Variants in PRKCH observed in about 807,000 individuals in gnomAD.
PRKCH encodes the protein protein kinase C eta, also known as protein kinase C eta type.
PRKCH carries 28 observed loss-of-function variants against 82.5 expected under a neutral mutation model. That is an observed-to-expected ratio of 0.34 (90% CI 0.25 to 0.47). The LOEUF (loss-of-function observed/expected upper bound fraction) is 0.47. PRKCH is among the 20% of genes least tolerant of loss of function. The pLI, the probability that PRKCH is intolerant of heterozygous loss-of-function variation, is 1.00. For missense variants in PRKCH, 705 were observed against 881.8 expected (o/e 0.80, Z 2.54); for synonymous variants, 322 against 327.4 (o/e 0.98, Z 0.18).
chr14:61,217,317 C>T (rs113899582), intron 1 of PRKCH, among the ~76,000 whole-genome samples: 20 of 152,112 alleles, frequency 1.3e-4, no homozygotes, highest in African/African-American at 3.9e-4. Context: ...CAGTTGGGCC[C>T]GGGAGGTTGA....
chr14:61,435,449 G>A (rs1184758681), intron 2 of PRKCH, among the ~76,000 whole-genome samples: 2 of 151,978 alleles, frequency 1.3e-5, no homozygotes, highest in East Asian at 1.9e-4. Flanking sequence ...GGAGGAGGCC[G>A]AGAAGAGGGT....
chr14:61,441,117 T>TC (rs1480468976), intron 2 of PRKCH, among the ~76,000 whole-genome samples: 1 of 151,804 alleles, frequency 6.6e-6, no homozygotes, highest in Non-Finnish European at 1.5e-5. Context: ...CAGACTGGTC[T>TC]CCAATTCCTA....
chr14:61,247,755 A>AAAAAAAG (rs1555371277), intron 1 of PRKCH, among the ~76,000 whole-genome samples: 1 of 149,456 alleles, frequency 6.7e-6, no homozygotes, highest in Admixed American at 6.7e-5. Flanking sequence ...AAAAAAAAAA[A>AAAAAAAG]AAAGAAAGAA....
chr14:61,449,530 T>C (rs1352054483), intron 5 of PRKCH, among the ~76,000 whole-genome samples: 1 of 152,184 alleles, frequency 6.6e-6, no homozygotes, highest in Non-Finnish European at 1.5e-5. Context: ...CATTAGTGGT[T>C]GGCTGGGTAT....
At chr14:61,331,139 A>G (rs2045780994) in intron 1 of PRKCH, among the ~76,000 whole-genome samples, 2 of 151,854 alleles carry the variant, frequency 1.3e-5, no homozygotes. Context: ...TCTAATCTAT[A>G]TCTACAAAAA....
intron 9 of PRKCH, among the ~76,000 whole-genome samples, chr14:61,471,447 C>T (rs965472988): frequency 1.3e-5 from 2 of 152,018 alleles, no homozygotes; most frequent in Non-Finnish European, 2.9e-5. Context: ...CATCTCTGGC[C>T]AATCGCAATT....
chr14:61,278,966 C>T (rs959692202), intron 1 of PRKCH: 2 of 134,534 alleles, frequency 1.5e-5, no homozygotes, highest in Non-Finnish European at 3.2e-5. Context: ...TGAATGAAGC[C>T]CTTTCTAATC....
At chr14:61,204,884 T>G (rs1386880793) in intron 1 of PRKCH, among the ~76,000 whole-genome samples, 2 of 152,154 alleles carry the variant, frequency 1.3e-5, no homozygotes, top group East Asian at 3.8e-4. Context: ...AGAATGAAAC[T>G]GAGTAAGCTC....
chr14:61,303,165 T>C (rs2140105413), intron 1 of PRKCH: 1 of 152,246 alleles, frequency 6.6e-6, no homozygotes, highest in East Asian at 1.9e-4. Context: ...ATGCTACAGC[T>C]ACAGATGTCT....
chr14:61,311,097 C>T (rs2045520444), intron 1 of PRKCH, among the ~76,000 whole-genome samples: 1 of 152,246 alleles, frequency 6.6e-6, no homozygotes, highest in African/African-American at 2.4e-5. Flanking sequence ...GCCTCCAGAT[C>T]TGTGGTGGGA....
intron 1 of PRKCH, among the ~76,000 whole-genome samples, chr14:61,250,347 C>T (rs2044934330): frequency 6.6e-6 from 1 of 151,982 alleles, no homozygotes; most frequent in Non-Finnish European, 1.5e-5. Flanking sequence ...TGAAGATGCC[C>T]TTCAGTAGGT....
At chr14:61,221,953 T>G (rs894216408) in intron 1 of PRKCH, among the ~76,000 whole-genome samples, 7 of 152,102 alleles carry the variant, frequency 4.6e-5, no homozygotes, top group Admixed American at 3.3e-4. Flanking sequence ...CCACAGAGAT[T>G]GCCATCCCAT....
At chr14:61,519,974 T>C (rs2042882128) in intron 10 of PRKCH, among the ~76,000 whole-genome samples, 1 of 151,866 alleles carries the variant, frequency 6.6e-6, no homozygotes, top group South Asian at 2.1e-4. Flanking sequence ...AACATTCCCT[T>C]GGAGCCTGGG....
chr14:61,209,247 AAT>A (rs1260494255), intron 1 of PRKCH, among the ~76,000 whole-genome samples: 1 of 151,232 alleles, frequency 6.6e-6, no homozygotes, highest in Non-Finnish European at 1.5e-5. Flanking sequence ...TTTCTTTATA[AAT>A]TACCCAGCCT....
intron 2 of PRKCH, among the ~76,000 whole-genome samples, chr14:61,398,002 C>A (rs1433865790): frequency 6.6e-6 from 1 of 152,142 alleles, no homozygotes; most frequent in African/African-American, 2.4e-5. Context: ...GATCAGAAAC[C>A]CCTCACCACT....
intron 1 of PRKCH, chr14:61,307,342 T>C (rs2045491831): frequency 6.6e-6 from 1 of 152,228 alleles, no homozygotes; most frequent in South Asian, 2.1e-4. Context: ...ACATTGTATT[T>C]CTAAGAAAGG....
intron 2 of PRKCH, among the ~76,000 whole-genome samples, chr14:61,423,420 G>A (rs147310859): frequency 1.1e-4 from 16 of 152,194 alleles, no homozygotes; most frequent in Admixed American, 2.6e-4. Context: ...GTGCCAGATC[G>A]TGACAGTTAC....
At chr14:61,495,736 C>A (rs564542181) in intron 10 of PRKCH, among the ~76,000 whole-genome samples, 1 of 152,202 alleles carries the variant, frequency 6.6e-6, no homozygotes, top group African/African-American at 2.4e-5. Context: ...TGGAAAAATA[C>A]AGGAAATAAA....
intron 1 of PRKCH, among the ~76,000 whole-genome samples, chr14:61,232,681 C>T (rs2044753848): frequency 2.0e-5 from 3 of 152,186 alleles, no homozygotes; most frequent in Non-Finnish European, 4.4e-5. Context: ...CTCCCCCTCC[C>T]CAACCCAGTC....
Sources: allele counts gnomAD v4.1 joint callset (sites outside exome capture counted in the v4.1 genomes callset), GRCh38; gene constraint gnomAD v4.1.1; transcripts MANE v1.5; gene names NCBI Gene and HGNC (gene_info 2026-07-23, HGNC 2026-07-21).